Variants in PCDH15 observed in about 807,000 individuals in gnomAD.
PCDH15 encodes the protein protocadherin-15.
PCDH15 carries 129 observed loss-of-function variants against 178.5 expected under a neutral mutation model. That is an observed-to-expected ratio of 0.72 (90% CI 0.63 to 0.84). PCDH15 has a LOEUF of 0.84. PCDH15 is among the 40% of genes least tolerant of loss of function. The pLI, the probability that PCDH15 is intolerant of heterozygous loss-of-function variation, is 0.00. For synonymous variants in PCDH15, 800 were observed against 732.0 expected (o/e 1.09, Z -1.50); for missense variants, 2,230 against 2,099.9 (o/e 1.06, Z -1.21).
intron 8 of PCDH15, among the ~76,000 whole-genome samples, chr10:54,246,536 C>T (rs1591397218): frequency 1.3e-5 from 2 of 151,838 alleles, no homozygotes; most frequent in South Asian, 2.1e-4. Flanking sequence ...AATGGTTATA[C>T]TATCATCCAT....
intron 2 of PCDH15, among the ~76,000 whole-genome samples, chr10:55,383,661 T>C (rs1451225007): frequency 6.6e-6 from 1 of 152,148 alleles, no homozygotes; most frequent in Non-Finnish European, 1.5e-5. Context: ...GTTGATTAAA[T>C]CTCAGTCCCT....
chr10:55,387,511 G>A (rs1837691949), intron 2 of PCDH15, among the ~76,000 whole-genome samples: 6 of 152,030 alleles, frequency 3.9e-5, no homozygotes, highest in Admixed American at 3.9e-4. Flanking sequence ...CATAACAACA[G>A]TTGGATAGTT....
At chr10:53,844,181 GT>G (rs1165396313) in intron 28 of PCDH15, among the ~76,000 whole-genome samples, 1 of 151,968 alleles carries the variant, frequency 6.6e-6, no homozygotes, top group Non-Finnish European at 1.5e-5. Flanking sequence ...TAAGAGCATT[GT>G]TTTTTGTTCT....
intron 2 of PCDH15, among the ~76,000 whole-genome samples, chr10:55,621,991 ATATATT>A (rs572082409): frequency 3.8e-4 from 54 of 143,342 alleles, no homozygotes; most frequent in African/African-American, 1.2e-3. Flanking sequence ...CTCTCTCTAT[ATATATT>A]TATATATGTA....
intron 2 of PCDH15, among the ~76,000 whole-genome samples, chr10:54,655,283 AGAGAG>A (rs1565865965): frequency 9.4e-5 from 12 of 127,298 alleles, no homozygotes; most frequent in Non-Finnish European, 5.2e-5. Flanking sequence ...AGAGAGAGAG[AGAGAG>A]AGAGAGAGAG....
chr10:54,236,814 G>A lies in PCDH15; in HGVS notation c.985+9C>T. The A allele has an allele frequency of 6.3e-7, 1 of 1,596,028 alleles. No individual in the cohort carries two copies. The highest frequency in any genetic ancestry group is 8.6e-7 in the Non-Finnish European group (1 of 1,163,712). On this transcript the variant is annotated intron_variant, in intron 9 of 37. Coordinates refer to ENST00000644397, the MANE Select transcript of PCDH15 (RefSeq NM_001384140.1). ...TAACTGATAGTGTAAAATGTTATCA[G>A]ATACAAACCAACAAGGATGGAATAG...
chr10:55,359,772 A>G (rs986903091), intron 2 of PCDH15, among the ~76,000 whole-genome samples: 12 of 140,864 alleles, frequency 8.5e-5, no homozygotes, highest in Non-Finnish European at 1.6e-4. Context: ...ACACACACAC[A>G]TATATATATA....
At chr10:55,067,974 A>T (rs573016301) in intron 2 of PCDH15, among the ~76,000 whole-genome samples, 22 of 152,002 alleles carry the variant, frequency 1.4e-4, no homozygotes, top group African/African-American at 5.3e-4. Context: ...AATTTCTTGT[A>T]TATTCTGAAT....
chr10:55,270,051 A>G (rs1431228047), intron 1 of PCDH15, among the ~76,000 whole-genome samples: 1 of 152,202 alleles, frequency 6.6e-6, no homozygotes, highest in East Asian at 1.9e-4. Flanking sequence ...CTATTCAATA[A>G]ATGGTCCTGG....
intron 2 of PCDH15, among the ~76,000 whole-genome samples, chr10:55,424,934 T>A (rs1048881236): frequency 2.6e-5 from 4 of 151,932 alleles, no homozygotes; most frequent in Admixed American, 6.6e-5. Flanking sequence ...TTTATACGTT[T>A]ACAGATATGA....
At chr10:54,406,496 C>A (rs1207254059) in intron 3 of PCDH15, among the ~76,000 whole-genome samples, 1 of 152,018 alleles carries the variant, frequency 6.6e-6, no homozygotes, top group African/African-American at 2.4e-5. Context: ...GCCTCTTTTT[C>A]TACCTCTTAT....
chr10:54,064,416 T>C (rs12257494), intron 18 of PCDH15, among the ~76,000 whole-genome samples: 32,964 of 152,092 alleles, frequency 0.22, 3,776 homozygotes, highest in Non-Finnish European at 0.25. Flanking sequence ...CGGACTCCAC[T>C]GGAACTGATG....
chr10:55,019,841 G>A (rs754637289), intron 2 of PCDH15, among the ~76,000 whole-genome samples: 2 of 151,792 alleles, frequency 1.3e-5, no homozygotes, highest in Non-Finnish European at 2.9e-5. Flanking sequence ...AATTATTTCT[G>A]TTTCAATACT....
At chr10:54,301,606 A>G (rs2060153534) in intron 8 of PCDH15, among the ~76,000 whole-genome samples, 1 of 152,180 alleles carries the variant, frequency 6.6e-6, no homozygotes, top group African/African-American at 2.4e-5. Context: ...TCATGCACTG[A>G]GGCTAGATGA....
chr10:54,914,272 A>G (rs1318536749), intron 2 of PCDH15, among the ~76,000 whole-genome samples: 1 of 152,088 alleles, frequency 6.6e-6, no homozygotes, highest in African/African-American at 2.4e-5. Context: ...GGAGTGAGTT[A>G]TCATGAGATT....
At chr10:54,992,970 A>C (rs1839540333) in intron 2 of PCDH15, among the ~76,000 whole-genome samples, 1 of 148,120 alleles carries the variant, frequency 6.8e-6, no homozygotes, top group Non-Finnish European at 1.5e-5. Flanking sequence ...AAATAGTCCA[A>C]GTAAGTCAGG....
chr10:53,877,826 T>C (rs2080356280), intron 26 of PCDH15, among the ~76,000 whole-genome samples: 1 of 152,128 alleles, frequency 6.6e-6, no homozygotes, highest in South Asian at 2.1e-4. Flanking sequence ...TTTCTACCTA[T>C]ACAATATTTC....
chr10:54,644,521 A>C (rs112126881), intron 2 of PCDH15, among the ~76,000 whole-genome samples: 376 of 152,146 alleles, frequency 2.5e-3, no homozygotes, highest in African/African-American at 8.6e-3. Flanking sequence ...TCCTTCTGGT[A>C]TTAAGAACAT....
Position 55,426,553 on chromosome 10 carries a change from A to G in PCDH15, c.-156+201072T>C, listed in dbSNP as rs569348248. 2.6e-5 allele frequency among the ~76,000 whole-genome samples: 4 copies of G among 152,230 alleles called. No homozygotes were observed. In the East Asian group the frequency reaches 7.8e-4, roughly 30 times the overall value. ...CAGAGGGAGTGTTACAGTGCTCTTT[A>G]GCTCGGCCGTCCATGGATGGTGGAA... On this transcript the variant is annotated intron_variant, in intron 2 of 5. Coordinates refer to the PCDH15 transcript ENST00000613346.
Sources: gnomAD v4.1 joint callset for allele counts (sites outside exome capture counted in the v4.1 genomes callset) on GRCh38, gnomAD v4.1.1 for gene constraint, MANE v1.5 for transcripts, NCBI Gene and HGNC (gene_info 2026-07-23, HGNC 2026-07-21) for gene names.